KANSL1: variants seen among roughly 807,000 people sequenced by gnomAD.
KANSL1 encodes KAT8 regulatory NSL complex subunit 1.
KANSL1 carries 22 observed loss-of-function variants against 103.6 expected under a neutral mutation model. That is an observed-to-expected ratio of 0.21 (90% CI 0.15 to 0.30). The LOEUF (loss-of-function observed/expected upper bound fraction) is 0.30. KANSL1 is among the 10% of genes least tolerant of loss of function. The probability of loss-of-function intolerance (pLI) is 1.00; values close to 1 mark genes in which losing one functional copy is unlikely to be tolerated. For synonymous variants in KANSL1, 600 were observed against 527.6 expected (o/e 1.14, Z -1.88); for missense variants, 1,337 against 1,399.8 (o/e 0.96, Z 0.72).
At chr17:46,042,783 T>TG (rs763480699) in intron 7 of KANSL1, 72 of 127,614 alleles carry the variant, frequency 5.6e-4, no homozygotes, top group African/African-American at 1.9e-3. Flanking sequence ...AAATCTGAGT[T>TG]GGGGAAAAAA....
At chr17:46,170,551 C>G (rs1017326641) in intron 2 of KANSL1, 27 of 402,392 alleles carry the variant, frequency 6.7e-5, no homozygotes, top group Admixed American at 4.8e-4. Context: ...CAAAAGAAAT[C>G]TAAATTCACT....
At chr17:46,135,852 C>T (rs1378084736) in intron 2 of KANSL1, among the ~76,000 whole-genome samples, 1 of 151,964 alleles carries the variant, frequency 6.6e-6, no homozygotes, top group Non-Finnish European at 1.5e-5. Flanking sequence ...CTTAAAATGT[C>T]TCAGTGACCC....
chr17:46,175,309 GCT>G (rs2046465991), intron 1 of KANSL1, among the ~76,000 whole-genome samples: 2 of 127,802 alleles, frequency 1.6e-5, no homozygotes, highest in Non-Finnish European at 3.2e-5. Flanking sequence ...CTGTCTTATT[GCT>G]GTGTGTGTGT....
intron 7 of KANSL1, chr17:46,043,678 G>A (rs1056554015): frequency 6.6e-6 from 1 of 152,170 alleles, no homozygotes; most frequent in Non-Finnish European, 1.5e-5. Flanking sequence ...TAGATTATAT[G>A]ACTGCTATGA....
chr17:46,058,476 A>G (rs1253168934), intron 6 of KANSL1, among the ~76,000 whole-genome samples: 1 of 152,260 alleles, frequency 6.6e-6, no homozygotes, highest in Non-Finnish European at 1.5e-5. Flanking sequence ...CACAATCCAC[A>G]TGCTACAAGC....
In KANSL1 at chr17:46,081,035, T is replaced by A. The variant is rs184496747; in HGVS notation, c.1533+1406A>T. Among the ~76,000 whole-genome samples the A allele has an allele frequency of 8.4e-4, 127 of 151,884 alleles. 1 individual carries two copies. Among genetic ancestry groups the A allele is most frequent in the African/African-American group, 2.8e-3 (117 of 41,442 alleles). ...ATGAAGGGTAGGGAAAGGACCAAGC[T>A]CCTAAAGAGTGTGTGTGTACAAGTG... On this transcript the variant is annotated intron_variant, in intron 4 of 14. Coordinates refer to ENST00000432791, the MANE Select transcript of KANSL1 (RefSeq NM_015443.4).
chr17:46,214,611 G>A (rs1326002364), intron 1 of KANSL1, among the ~76,000 whole-genome samples: 1 of 152,168 alleles, frequency 6.6e-6, no homozygotes, highest in Non-Finnish European at 1.5e-5. Context: ...CCGAGATCGC[G>A]CCGTTGCGCT....
At chr17:46,181,921 T>C (rs950203911) in intron 1 of KANSL1, among the ~76,000 whole-genome samples, 6 of 152,192 alleles carry the variant, frequency 3.9e-5, no homozygotes, top group African/African-American at 1.2e-4. Context: ...AATTTTTCAA[T>C]ACATAGCATC....
chr17:46,104,926 C>G lies in KANSL1; in HGVS notation c.1290-10225G>C, dbSNP rs564719878. On this transcript the variant is annotated intron_variant, in intron 2 of 14. Transcript: ENST00000432791. ...TGCTTCCCAGGTTCAAGCGAATCTC[C>G]TGCCTCAGCCTCCCAAGTAGCTGGG... Among the ~76,000 whole-genome samples, 10 of 152,258 alleles carry G rather than the reference C, an allele frequency of 6.6e-5. No individual in the cohort carries two copies. In the South Asian group the frequency reaches 1.9e-3, roughly 28 times the overall value.
intron 6 of KANSL1, among the ~76,000 whole-genome samples, chr17:46,059,046 C>T (rs1330919514): frequency 2.4e-5 from 3 of 126,958 alleles, no homozygotes; most frequent in Admixed American, 8.8e-5. Flanking sequence ...GACTCCATCT[C>T]GGAAAAAAAA....
intron 1 of KANSL1, among the ~76,000 whole-genome samples, chr17:46,202,257 A>G (rs1247629173): frequency 6.6e-6 from 1 of 152,256 alleles, no homozygotes; most frequent in African/African-American, 2.4e-5. Context: ...TTTCATGTTT[A>G]GATTTGGATC....
intron 2 of KANSL1, among the ~76,000 whole-genome samples, chr17:46,107,990 G>A (rs562689404): frequency 6.6e-6 from 1 of 152,082 alleles, no homozygotes; most frequent in African/African-American, 2.4e-5. Flanking sequence ...TAGTACTTTG[G>A]TTGAATCTTT....
chr17:46,031,090 A>G lies in KANSL1; in HGVS notation c.*386T>C. On this transcript the variant is annotated 3_prime_UTR_variant, in exon 15 of 15. Transcript: ENST00000432791. ...AGAGCACCCTGCCCCATTCCACCCT[A>G]GCTCAAGAAGGCCATGCTAAACTGT... is the stretch of plus-strand genomic sequence containing the variant. 4.6e-6 allele frequency: 1 copy of G among 215,082 alleles called. No individual in the cohort carries two copies. The highest frequency in any genetic ancestry group is 9.5e-6 in the Non-Finnish European group (1 of 104,794). 13.3% of individuals were successfully genotyped at this position (215,082 alleles called of 1,614,324 possible). A position where few individuals can be genotyped will look rare whatever the true frequency, so the allele number is the denominator to read the frequency against.
chr17:46,179,497 G>A (rs2046681081), intron 1 of KANSL1, among the ~76,000 whole-genome samples: 2 of 152,154 alleles, frequency 1.3e-5, no homozygotes, highest in Admixed American at 1.3e-4. Flanking sequence ...AATCAGATGG[G>A]GAAGAAAAGT....
chr17:46,170,678 A>G (rs1429545986), intron 2 of KANSL1, 177 bp downstream of exon 2: 25 of 698,852 alleles, frequency 3.6e-5, no homozygotes, highest in Non-Finnish European at 3.9e-5. Context: ...CAGCAAAAGT[A>G]TCTTCCCCTT....
chr17:46,067,107 C>T (rs1285218159), intron 5 of KANSL1, among the ~76,000 whole-genome samples: 1 of 152,210 alleles, frequency 6.6e-6, no homozygotes, highest in East Asian at 1.9e-4. Flanking sequence ...TCCTTAGAAT[C>T]AGTTCTATGA....
chr17:46,084,290 G>A (rs1245573415), intron 3 of KANSL1, among the ~76,000 whole-genome samples: 3 of 152,094 alleles, frequency 2.0e-5, no homozygotes, highest in African/African-American at 7.2e-5. Flanking sequence ...GCTGAAGAAG[G>A]AGAATCGCTT....
At chr17:46,147,509 G>A (rs890153802) in intron 2 of KANSL1, among the ~76,000 whole-genome samples, 1 of 150,614 alleles carries the variant, frequency 6.6e-6, no homozygotes, top group Non-Finnish European at 1.5e-5. Context: ...AGGAGGCAGA[G>A]GGTGTAGTGG....
chr17:46,035,420 A>G (rs1011070086), intron 10 of KANSL1: 2 of 152,218 alleles, frequency 1.3e-5, no homozygotes, highest in Non-Finnish European at 2.9e-5. Context: ...GAGAATGTTA[A>G]AAGTCAGCAC....
Sources: allele counts gnomAD v4.1 joint callset (sites outside exome capture counted in the v4.1 genomes callset), GRCh38; gene constraint gnomAD v4.1.1; transcripts MANE v1.5; gene names NCBI Gene and HGNC (gene_info 2026-07-23, HGNC 2026-07-21).